Variants in GPR158 observed in about 807,000 individuals in gnomAD.
GPR158 encodes the protein G protein-coupled receptor 158, also known as metabotropic glycine receptor.
GPR158 carries 30 observed loss-of-function variants against 78.2 expected under a neutral mutation model. The ratio of observed to expected loss-of-function variants is 0.38; its 90% CI spans 0.29 to 0.52. The LOEUF (loss-of-function observed/expected upper bound fraction) is 0.52, where lower values mean the gene tolerates loss of function less well. Among genes scored for constraint, GPR158 ranks in the 20% least tolerant of loss-of-function variants. The pLI is 0.83. For missense variants in GPR158, 1,463 were observed against 1,523.5 expected, an observed-to-expected ratio of 0.96 and a Z score of 0.66; for synonymous variants, 581 against 591.1, an observed-to-expected ratio of 0.98 and a Z score of 0.25.
chr10:25,376,235 A>G (rs1485958974), intron 2 of GPR158, among the ~76,000 whole-genome samples: 2 of 151,646 alleles, frequency 1.3e-5, no homozygotes, highest in Admixed American at 1.3e-4. Context: ...TTATAGATAT[A>G]GTTGATTTTC....
chr10:25,459,031 G>A (rs1835324730), intron 4 of GPR158, among the ~76,000 whole-genome samples: 1 of 152,106 alleles, frequency 6.6e-6, no homozygotes, highest in East Asian at 1.9e-4. Flanking sequence ...CTTTCAAACT[G>A]GATATAGTCT....
chr10:25,357,330 A>G (rs112635169), intron 2 of GPR158, among the ~76,000 whole-genome samples: 1 of 152,146 alleles, frequency 6.6e-6, no homozygotes, highest in Non-Finnish European at 1.5e-5. Flanking sequence ...AGAAATTTGC[A>G]TAAGTAATGA....
chr10:25,580,424 A>G (rs1272954169), intron 7 of GPR158, among the ~76,000 whole-genome samples: 1 of 152,234 alleles, frequency 6.6e-6, no homozygotes, highest in Non-Finnish European at 1.5e-5. Context: ...TCATATGCCA[A>G]TGTTTAGAAA....
intron 6 of GPR158, among the ~76,000 whole-genome samples, chr10:25,565,812 G>A (rs556911383): frequency 6.6e-6 from 1 of 152,272 alleles, no homozygotes; most frequent in African/African-American, 2.4e-5. Context: ...ACCGTGGTGA[G>A]TGATAGAGAC....
intron 5 of GPR158, among the ~76,000 whole-genome samples, chr10:25,531,676 G>C (rs528044040): frequency 1.3e-4 from 20 of 152,154 alleles, no homozygotes; most frequent in African/African-American, 4.8e-4. Flanking sequence ...GATCTGGTAG[G>C]ATCACCTCAT....
At chr10:25,348,810 A>G (rs1034189736) in intron 2 of GPR158, among the ~76,000 whole-genome samples, 1 of 152,006 alleles carries the variant, frequency 6.6e-6, no homozygotes, top group African/African-American at 2.4e-5. Context: ...GGAGGCTTCA[A>G]TAACAGCCCT....
intron 1 of GPR158, among the ~76,000 whole-genome samples, chr10:25,187,063 C>T (rs1334703889): frequency 6.7e-6 from 1 of 148,742 alleles, no homozygotes; most frequent in Non-Finnish European, 1.5e-5. Context: ...CTCCCGAGTT[C>T]ATGCCATTTT....
intron 2 of GPR158, among the ~76,000 whole-genome samples, chr10:25,372,029 G>A (rs931757237): frequency 4.7e-4 from 71 of 151,568 alleles, no homozygotes; most frequent in South Asian, 1.9e-3. Flanking sequence ...AAACAACCCC[G>A]TCAAAAAGTG....
chr10:25,306,557 G>A (rs943834009), intron 2 of GPR158, among the ~76,000 whole-genome samples: 1 of 152,064 alleles, frequency 6.6e-6, no homozygotes, highest in South Asian at 2.1e-4. Context: ...ATGTATGCAT[G>A]CATGTATGTA....
chr10:25,306,101 T>C (rs1854673253), intron 2 of GPR158, among the ~76,000 whole-genome samples: 1 of 152,220 alleles, frequency 6.6e-6, no homozygotes, highest in African/African-American at 2.4e-5. Context: ...CAACTTACTT[T>C]CTTTGTTCCC....
At chr10:25,314,957 T>C (rs889105977) in intron 2 of GPR158, among the ~76,000 whole-genome samples, 2 of 150,400 alleles carry the variant, frequency 1.3e-5, no homozygotes, top group Non-Finnish European at 3.0e-5. Context: ...ATTTTGTATA[T>C]TTTATTAATT....
At chr10:25,255,935 T>G (rs951367103) in intron 2 of GPR158, among the ~76,000 whole-genome samples, 8 of 152,198 alleles carry the variant, frequency 5.3e-5, no homozygotes, top group African/African-American at 1.9e-4. Flanking sequence ...AAATGGTGTG[T>G]GCAAGAGGAA....
rs139245344 is a variant in GPR158, at chr10:25,411,250, G to A, written c.1112-1000G>A. Among the ~76,000 whole-genome samples, 648 of 152,260 alleles carry A rather than the reference G, an allele frequency of 4.3e-3. 2 individuals carry two copies. Among genetic ancestry groups the A allele is most frequent in the Non-Finnish European group, 7.4e-3 (501 of 68,004 alleles). On this transcript the variant is annotated intron_variant, in intron 3 of 10. Coordinates refer to ENST00000376351, the MANE Select transcript of GPR158 (RefSeq NM_020752.3). ...AGAACCTAAAATTAAAAGGAGGATC[G>A]ATAGCAGTAAGTGAATAGTGTGAAA...
At chr10:25,442,686 C>T (rs1387692915) in intron 4 of GPR158, among the ~76,000 whole-genome samples, 2 of 152,120 alleles carry the variant, frequency 1.3e-5, no homozygotes, top group Non-Finnish European at 2.9e-5. Flanking sequence ...CAGTAAGAAC[C>T]ACATCTTTCT....
intron 5 of GPR158, among the ~76,000 whole-genome samples, chr10:25,518,517 T>C (rs1420668519): frequency 5.5e-4 from 49 of 89,658 alleles, no homozygotes; most frequent in African/African-American, 2.7e-3. Context: ...TTTAGTGCTA[T>C]AAATTTCCCT....
chr10:25,351,431 T>TG (rs146748198), intron 2 of GPR158, among the ~76,000 whole-genome samples: 10,941 of 115,440 alleles, frequency 0.095, 622 homozygotes, highest in East Asian at 0.16. Context: ...GAGTTGGGGG[T>TG]GGGGGGGTGC....
At chr10:25,478,688 A>G (rs1288015417) in intron 5 of GPR158, among the ~76,000 whole-genome samples, 2 of 151,958 alleles carry the variant, frequency 1.3e-5, no homozygotes, top group East Asian at 1.9e-4. Flanking sequence ...GTACATGTGC[A>G]CAGTGTGCAG....
At chr10:25,425,609 G>C (rs942958644) in intron 4 of GPR158, among the ~76,000 whole-genome samples, 7 of 151,048 alleles carry the variant, frequency 4.6e-5, no homozygotes, top group Admixed American at 4.6e-4. Context: ...CAGAGTAAAC[G>C]GCCCATGGAG....
intron 5 of GPR158, among the ~76,000 whole-genome samples, chr10:25,542,827 A>AAC (rs996401231): frequency 1.3e-5 from 2 of 151,482 alleles, no homozygotes; most frequent in Non-Finnish European, 2.9e-5. Flanking sequence ...CCATCTCAAA[A>AAC]AAAAAAAAAA....
Sources: gnomAD v4.1 joint callset for allele counts (sites outside exome capture counted in the v4.1 genomes callset) on GRCh38, gnomAD v4.1.1 for gene constraint, MANE v1.5 for transcripts, NCBI Gene and HGNC (gene_info 2026-07-23, HGNC 2026-07-21) for gene names.